WDR74: variants seen among roughly 807,000 people sequenced by gnomAD.
WDR74 encodes WD repeat-containing protein 74.
A neutral mutation model predicts 45.6 loss-of-function variants in WDR74; 31 were observed. That is an observed-to-expected ratio of 0.68 (90% confidence interval 0.51 to 0.92). WDR74 has a LOEUF of 0.92. Among genes scored for constraint, WDR74 ranks in the 40% least tolerant of loss-of-function variants. WDR74 has a pLI of 0.00. For missense variants in WDR74, 455 were observed against 497.2 expected (o/e 0.92, Z 0.81); for synonymous variants, 191 against 192.4 (o/e 0.99, Z 0.06).
At chr11:62,841,378 A>C (rs1056143871), upstream of WDR74, among the ~76,000 whole-genome samples, 1 of 152,088 alleles carries the variant, frequency 6.6e-6, no homozygotes, top group Non-Finnish European at 1.5e-5. Flanking sequence ...CAAGCGCTCA[A>C]TAGTTCCAAC....
At chr11:62,839,608 C>A (rs1418279411), upstream of WDR74, 3 of 1,572,072 alleles carry the variant, frequency 1.9e-6, no homozygotes, top group Non-Finnish European at 2.6e-6. Flanking sequence ...ACTTCCGGCG[C>A]AGCGTGTGCG....
At chr11:62,833,201 A>C in intron 10 of WDR74, 70 bp from the exon 11 acceptor site, 1 of 1,503,744 alleles carries the variant, frequency 6.7e-7, no homozygotes, top group Non-Finnish European at 9.0e-7. Context: ...TAATCTCAGC[A>C]CTTTGGGAGA....
chr11:62,833,966 AC>A (rs760858635), intron 8 of WDR74, 29 bp from the exon 9 acceptor site: 1 of 1,608,540 alleles, frequency 6.2e-7, no homozygotes, highest in East Asian at 2.2e-5. Flanking sequence ...ATCCGTGATA[AC>A]TGGCTGGCCA....
chr11:62,841,476 A>G (rs191846957), upstream of WDR74: 2 of 152,350 alleles, frequency 1.3e-5, no homozygotes, highest in East Asian at 3.9e-4. Context: ...ACCTTCTCTC[A>G]ACAAGACACT....
chr11:62,838,677 G>C (rs2084995469), intron 3 of WDR74, among the ~76,000 whole-genome samples: 1 of 151,308 alleles, frequency 6.6e-6, no homozygotes, highest in Admixed American at 6.6e-5. Flanking sequence ...AGTATCGCTT[G>C]AACCCGGGAG....
At chr11:62,841,642 T>G (rs1028969159), upstream of WDR74, 2 of 152,354 alleles carry the variant, frequency 1.3e-5, no homozygotes, top group Admixed American at 6.5e-5. Flanking sequence ...TTCCTGGAAG[T>G]ACTGCAATAC....
At chr11:62,833,166 G>A in intron 10 of WDR74, 35 bp from the exon 11 acceptor site, 2 of 1,601,962 alleles carry the variant, frequency 1.2e-6, no homozygotes, top group Non-Finnish European at 1.7e-6. Flanking sequence ...GAGTCAGGGG[G>A]GCCGGGCACG....
At chr11:62,839,695 A>AT (rs1191064031), upstream of WDR74, 12 of 1,212,100 alleles carry the variant, frequency 9.9e-6, no homozygotes, top group African/African-American at 3.1e-5. Flanking sequence ...TAAAGCTTCC[A>AT]TGCTTGTTTT....
At chr11:62,833,492 A>G in intron 10 of WDR74, 126 bp downstream of exon 10, 1 of 1,183,602 alleles carries the variant, frequency 8.4e-7, no homozygotes, top group Non-Finnish European at 1.2e-6. Flanking sequence ...TCTCAGAGAA[A>G]TTAAGTGACC....
intron 9 of WDR74, 50 bp from the exon 10 acceptor site, chr11:62,833,724 A>G: frequency 6.3e-7 from 1 of 1,589,864 alleles, no homozygotes; most frequent in East Asian, 2.3e-5. Flanking sequence ...AGACAGAAAC[A>G]TGAACGGAGG....
In WDR74 at chr11:62,839,538, C is replaced by A; in HGVS notation, c.33G>T (p.Val11=). 1 of 1,613,472 alleles carries A rather than the reference C, an allele frequency of 6.2e-7. No individual in the cohort carries two copies. The highest frequency in any genetic ancestry group is 8.5e-7 in the Non-Finnish European group (1 of 1,179,768). Reference sequence around the variant, plus strand: ...AGATCCCAGTCTCGGTGCCGACCCACACATGGTTCCAGCGTGCAGCAGCAG... The same window carrying A: ...AGATCCCAGTCTCGGTGCCGACCCAAACATGGTTCCAGCGTGCAGCAGCAG... MAAAAARWNH[V]WVGTETGILK... is the part of the protein sequence containing the mutation. The change falls in exon 1 of 11, where the codon GTG becomes GTT. Residue 11 remains valine, a synonymous_variant. Coordinates refer to ENST00000278856, the MANE Select transcript of WDR74 (RefSeq NM_001369450.1).
intron 3 of WDR74, among the ~76,000 whole-genome samples, chr11:62,837,478 CAG>C (rs1286515272): frequency 7.0e-6 from 1 of 142,594 alleles, no homozygotes; most frequent in Non-Finnish European, 1.5e-5. Flanking sequence ...GCCTGGGCAA[CAG>C]AGTGAGACTC....
chr11:62,841,376 C>G (rs928425596), upstream of WDR74, among the ~76,000 whole-genome samples: 2 of 151,994 alleles, frequency 1.3e-5, no homozygotes, highest in Non-Finnish European at 2.9e-5. Flanking sequence ...GGCAAGCGCT[C>G]AATAGTTCCA....
intron 7 of WDR74, 33 bp from the exon 8 acceptor site, chr11:62,834,364 C>T (rs750139054): frequency 1.9e-6 from 3 of 1,613,434 alleles, no homozygotes; most frequent in Non-Finnish European, 2.5e-6. Flanking sequence ...GTGGGATCAG[C>T]AGTAACCTCC....
chr11:62,839,558 C>G lies in WDR74; in HGVS notation c.13G>C (p.Ala5Pro), dbSNP rs778537136. The G allele has an allele frequency of 1.9e-6, 3 of 1,610,734 alleles. No homozygotes were observed. Among genetic ancestry groups the G allele is most frequent in the Non-Finnish European group, 2.5e-6 (3 of 1,178,400 alleles). The change falls in exon 1 of 11, where the codon GCT (alanine) becomes CCT (proline). Residue 5 changes from alanine (A) to proline (P), a missense_variant. Coordinates refer to ENST00000278856, the MANE Select transcript of WDR74 (RefSeq NM_001369450.1). ...ACCCACACATGGTTCCAGCGTGCAG[C>G]AGCAGCCGCCATGACAAAGCCTGGA... MAAA[A>P]ARWNHVWVGT... is the part of the protein sequence containing the mutation.
At chr11:62,835,320 G>A in intron 6 of WDR74, 111 bp downstream of exon 6, 1 of 956,754 alleles carries the variant, frequency 1.0e-6, no homozygotes, top group East Asian at 2.5e-5. Context: ...GGAAGCGCTT[G>A]CTCCTCTGAA....
intron 1 of WDR74, 38 bp downstream of exon 1, chr11:62,839,469 C>T (rs1590990855): frequency 6.2e-7 from 1 of 1,613,580 alleles, no homozygotes; most frequent in Non-Finnish European, 8.5e-7. Context: ...GGCGCGAGTG[C>T]ACCCCTGCAC....
rs1205263829 is a variant in WDR74 at position 62,839,567 on chromosome 11, C to T, written c.4G>A (p.Ala2Thr). M[A>T]AAAARWNHVW... ...TGGTTCCAGCGTGCAGCAGCAGCCG[C>T]CATGACAAAGCCTGGAGGCAGACAG... Residue 2 changes from alanine to threonine, a missense_variant, in exon 1 of 11, where the codon GCG becomes ACG. Ala to Thr is a moderately conservative substitution (Grantham distance 58). Transcript: ENST00000278856. The T allele has an allele frequency of 6.2e-7, 1 of 1,609,634 alleles. No individual in the cohort carries two copies. The highest frequency in any genetic ancestry group is 1.3e-5 in the African/African-American group (1 of 74,758).
chr11:62,835,235 C>T, intron 6 of WDR74, 196 bp downstream of exon 6: 1 of 584,252 alleles, frequency 1.7e-6, no homozygotes, highest in East Asian at 2.9e-5. Flanking sequence ...GGAAAACAGG[C>T]ATAGTTCAGG....
Sources: allele counts gnomAD v4.1 joint callset (sites outside exome capture counted in the v4.1 genomes callset), GRCh38; gene constraint gnomAD v4.1.1; transcripts MANE v1.5; gene names NCBI Gene and HGNC (gene_info 2026-07-23, HGNC 2026-07-21).